The following EPHX1 variants were observed in gnomAD, a reference collection of about 807,000 sequenced individuals.
EPHX1 encodes epoxide hydrolase 1.
EPHX1 carries 40 observed loss-of-function variants against 43.2 expected under a neutral mutation model. The observed-to-expected ratio is 0.93, with a 90% CI of 0.72 to 1.21. EPHX1 has a LOEUF of 1.21. Among genes scored for constraint, EPHX1 ranks in the 50% most tolerant of loss-of-function variants. EPHX1 has a pLI of 0.00. For missense variants in EPHX1, 550 were observed against 570.4 expected (o/e 0.96, Z 0.36); for synonymous variants, 221 against 226.7 (o/e 0.98, Z 0.22).
rs1668506673 is a variant in EPHX1, at chr1:225,842,428, T to C, written c.994T>C (p.Trp332Arg). 1.2e-6 allele frequency: 2 copies of C among 1,614,160 alleles called. No homozygotes were observed. The highest frequency in any genetic ancestry group is 1.7e-6 in the Non-Finnish European group (2 of 1,179,956). ...AAYILEKFST[W>R]TNTEFRYLED... ...CTATATTCTAGAGAAGTTTTCCACC[T>C]GGACCAATACGGAATTCCGATACCT... is the stretch of plus-strand genomic sequence containing the variant. The change falls in exon 7 of 9, where the codon TGG becomes CGG. Residue 332 changes from tryptophan (W) to arginine (R), a missense_variant. Transcript: ENST00000272167.
intron 6 of EPHX1, among the ~76,000 whole-genome samples, chr1:225,841,898 C>T (rs1668462663): frequency 6.6e-6 from 1 of 152,238 alleles, no homozygotes; most frequent in African/African-American, 2.4e-5. Context: ...GCCAATGCCC[C>T]CAGCCTGTTC....
chr1:225,845,357 CT>C lies in EPHX1; in HGVS notation c.*11del. 1 of 1,519,508 alleles carries C rather than the reference CT, an allele frequency of 6.6e-7. No individual in the cohort carries two copies. The highest frequency in any genetic ancestry group is 8.9e-7 in the Non-Finnish European group (1 of 1,125,700). 94.1% of individuals were successfully genotyped at this position (1,519,508 alleles called of 1,614,324 possible). A position where few individuals can be genotyped will look rare whatever the true frequency, so the allele number is the denominator to read the frequency against. On this transcript the variant is annotated 3_prime_UTR_variant, in exon 9 of 9. Transcript: ENST00000272167. ...GCTGGAGCGGCAATGACCCACCCCT[CT>C]CCCCCCGCCTGCCACCTCCCCCCAC...
intron 2 of EPHX1, among the ~76,000 whole-genome samples, chr1:225,830,136 G>A (rs1171090572): frequency 6.6e-6 from 1 of 152,188 alleles, no homozygotes; most frequent in Non-Finnish European, 1.5e-5. Context: ...TAAAAGTCAT[G>A]AGAGTTCCAA....
chr1:225,842,265 A>G, intron 6 of EPHX1, 101 bp from the exon 7 acceptor site: 3 of 909,242 alleles, frequency 3.3e-6, no homozygotes, highest in South Asian at 1.3e-5. Context: ...CTTCCTGCAC[A>G]CAGCCCCGCC....
chr1:225,818,926 TAAAAAAAAAA>T (rs546153231), intron 1 of EPHX1, among the ~76,000 whole-genome samples: 1 of 95,582 alleles, frequency 1.0e-5, no homozygotes, highest in African/African-American at 4.2e-5. Context: ...CTGTCTCCAT[TAAAAAAAAAA>T]AAAAAAAAAA....
At position 225,839,198 on chromosome 1, in the gene EPHX1, C is replaced by T; in HGVS notation, c.593-19C>T. 6.2e-7 allele frequency: 1 copy of T among 1,614,030 alleles called. No homozygotes were observed. Among genetic ancestry groups the T allele is most frequent in the Non-Finnish European group, 8.5e-7 (1 of 1,180,024 alleles). ...TGCCTGTGACTCCGTGACTCCATGC[C>T]TTTCCCCATCACTGCCAGGGTTCAA... On this transcript the variant is annotated intron_variant, in intron 4 of 8. Coordinates refer to ENST00000272167, the MANE Select transcript of EPHX1 (RefSeq NM_001136018.4).
chr1:225,824,910 A>G (rs1667158300), intron 1 of EPHX1, among the ~76,000 whole-genome samples: 1 of 152,212 alleles, frequency 6.6e-6, no homozygotes, highest in East Asian at 1.9e-4. Context: ...GCTATTAAAT[A>G]AAGGGCTGTT....
In EPHX1 at chr1:225,839,911, G is replaced by T; in HGVS notation, c.805G>T (p.Gly269Trp). Reference sequence around the variant, plus strand: ...GACCCTCCTCCTGGGACAGCGTTTCGGGAGGTTTCTTGGCCTCACTGAGAG... The same window carrying T: ...GACCCTCCTCCTGGGACAGCGTTTCTGGAGGTTTCTTGGCCTCACTGAGAG... ...TLTLLLGQRF[G>W]RFLGLTERDV... Residue 269 changes from glycine (G) to tryptophan (W), a missense_variant, in exon 6 of 9, where the codon GGG becomes TGG. Gly to Trp is a radical substitution (Grantham distance 184). Transcript: ENST00000272167. 9.3e-6 allele frequency: 15 copies of T among 1,614,202 alleles called. No homozygotes were observed. Among genetic ancestry groups the T allele is most frequent in the Non-Finnish European group, 1.3e-5 (15 of 1,180,036 alleles).
rs765124929 is a variant in EPHX1 at position 225,817,515 on chromosome 1, G to C, written c.-6+7346G>C. Among the ~76,000 whole-genome samples the C allele has an allele frequency of 6.6e-6, 1 of 152,200 alleles. No individual in the cohort carries two copies. The highest frequency in any genetic ancestry group is 1.5e-5 in the Non-Finnish European group (1 of 68,030). On this transcript the variant is annotated intron_variant, in intron 1 of 8. Coordinates refer to ENST00000272167, the MANE Select transcript of EPHX1 (RefSeq NM_001136018.4). This position sits in a 1 kb window ranked among gnomAD's most constrained non-coding sequence, Gnocchi z 5.7. ...TGGGGTGCTGGGGAGGGCAGTATGG[G>C]GGCAGGCTTGGGACCAGGCCTGCAG...
At chr1:225,844,100 G>A (rs908033814) in intron 7 of EPHX1, among the ~76,000 whole-genome samples, 9 of 152,156 alleles carry the variant, frequency 5.9e-5, no homozygotes, top group African/African-American at 2.2e-4. Context: ...ATAGGCTGTT[G>A]AGAGGAAAAC....
chr1:225,840,401 GCCCTGGGGCCTTGGGGAAGAGGTTC>G, intron 6 of EPHX1, among the ~76,000 whole-genome samples: 1 of 152,180 alleles, frequency 6.6e-6, no homozygotes, highest in East Asian at 1.9e-4. Context: ...GGGAGAGGGT[GCCCTGGGGCCTTGGGGAAGAGGTTC>G]CCAGGCAGTG....
In EPHX1 at chr1:225,831,866, A is replaced by T; in HGVS notation, c.271A>T (p.Lys91Ter). ...CTATGGCTTCAACTCCAACTACCTG[A>T]AGAAAGTCATCTCCTACTGGCGGAA... ...FHYGFNSNYL[K>*]KVISYWRNEF... Residue 91 changes from lysine (K) to a stop codon, truncating the protein, a stop_gained, in exon 3 of 9, where the codon AAG becomes TAG. Transcript: ENST00000272167. LOFTEE classifies it high-confidence loss of function. 6.2e-7 allele frequency: 1 copy of T among 1,614,190 alleles called. No individual in the cohort carries two copies. The highest frequency in any genetic ancestry group is 1.3e-5 in the African/African-American group (1 of 75,040).
At chr1:225,821,526 G>GATTTACCT (rs1481472023) in intron 1 of EPHX1, among the ~76,000 whole-genome samples, 1 of 147,810 alleles carries the variant, frequency 6.8e-6, no homozygotes. Flanking sequence ...GATTACAGGT[G>GATTTACCT]TGAGCCACCA....
At chr1:225,833,376 C>T (rs1423673393) in intron 3 of EPHX1, among the ~76,000 whole-genome samples, 1 of 152,066 alleles carries the variant, frequency 6.6e-6, no homozygotes, top group Non-Finnish European at 1.5e-5. Context: ...TGGTGGCATG[C>T]ACCTGTAGTC....
In EPHX1 at chr1:225,831,802, G is replaced by T; in HGVS notation, c.207G>T (p.Lys69Asn). The T allele has an allele frequency of 1.9e-6, 3 of 1,614,120 alleles. No homozygotes were observed. Among genetic ancestry groups the T allele is most frequent in the Non-Finnish European group, 2.5e-6 (3 of 1,180,026 alleles). The change falls in exon 3 of 9, where the codon AAG (lysine) becomes AAT (asparagine). Residue 69 changes from lysine (K) to asparagine (N), a missense_variant. Lys to Asn is a moderately conservative substitution (Grantham distance 94). Coordinates refer to ENST00000272167, the MANE Select transcript of EPHX1 (RefSeq NM_001136018.4). Reference protein sequence around the residue: ...EIHDLHQRIDKFRFTPPLEDS... With the variant: ...EIHDLHQRIDNFRFTPPLEDS... ...AGGACTTACACCAGAGGATCGATAA[G>T]TTCCGTTTCACCCCACCTTTGGAGG...
intron 3 of EPHX1, among the ~76,000 whole-genome samples, chr1:225,837,672 C>T (rs1292587835): frequency 6.6e-6 from 1 of 152,096 alleles, no homozygotes; most frequent in African/African-American, 2.4e-5. Context: ...CGCCTGTCAG[C>T]ATGCCCGGGT....
Position 225,845,525 on chromosome 1 carries a change from AGCAACATG to A in EPHX1, c.*181_*188del. ...CCCCAACCCCCAACTCCGTGTGGTA[AGCAACATG>A]GCTTTGATGATAAACGACTTTACTC... On this transcript the variant is annotated 3_prime_UTR_variant, in exon 9 of 9. Transcript: ENST00000272167. 2 of 643,686 alleles carry A rather than the reference AGCAACATG, an allele frequency of 3.1e-6. No individual in the cohort carries two copies. Among genetic ancestry groups the A allele is most frequent in the East Asian group, 5.4e-5 (2 of 36,758 alleles). 39.9% of individuals were successfully genotyped at this position (643,686 alleles called of 1,614,324 possible).
At chr1:225,827,205 T>C (rs1057348331) in intron 1 of EPHX1, among the ~76,000 whole-genome samples, 2 of 151,936 alleles carry the variant, frequency 1.3e-5, no homozygotes, top group African/African-American at 4.8e-5. Context: ...ATGCAAGTGG[T>C]GGGGTTCCCA....
intron 1 of EPHX1, among the ~76,000 whole-genome samples, chr1:225,812,209 G>GA (rs760696064): frequency 6.6e-5 from 10 of 152,230 alleles, no homozygotes; most frequent in Non-Finnish European, 1.3e-4. Flanking sequence ...TAAGTGAGGG[G>GA]ACTCCTGAGC....
Sources: allele counts gnomAD v4.1 joint callset (sites outside exome capture counted in the v4.1 genomes callset), GRCh38; gene constraint gnomAD v4.1.1; non-coding constraint Gnocchi (gnomAD v3.1); transcripts MANE v1.5; gene names NCBI Gene and HGNC (gene_info 2026-07-23, HGNC 2026-07-21).